Variants in SMC6 observed in about 807,000 individuals in gnomAD.
SMC6 encodes structural maintenance of chromosomes 6.
SMC6 carries 79 observed loss-of-function variants against 142.2 expected under a neutral mutation model. The ratio of observed to expected loss-of-function variants is 0.56; its 90% confidence interval spans 0.46 to 0.67. The LOEUF (loss-of-function observed/expected upper bound fraction) is 0.67, where lower values mean the gene tolerates loss of function less well. SMC6 is among the 30% of genes least tolerant of loss of function. The pLI is 0.00. For missense variants in SMC6, 1,072 were observed against 1,284.0 expected (o/e 0.83, Z 2.52); for synonymous variants, 411 against 412.4 (o/e 1.00, Z 0.04).
At chr2:17,744,522 A>G (rs13422445) in intron 3 of SMC6, among the ~76,000 whole-genome samples, 5,460 of 152,224 alleles carry the variant, frequency 0.036, 276 homozygotes, top group African/African-American at 0.11. Context: ...ATAATCTGCA[A>G]ACAGAGACAG....
intron 23 of SMC6, among the ~76,000 whole-genome samples, chr2:17,687,528 A>G (rs1667513683): frequency 1.3e-5 from 1 of 75,030 alleles, no homozygotes; most frequent in African/African-American, 5.1e-5. Flanking sequence ...TGTGAAAAAA[A>G]GTAGAGGAAC....
intron 23 of SMC6, among the ~76,000 whole-genome samples, chr2:17,685,940 T>C (rs989525868): frequency 2.6e-5 from 4 of 151,918 alleles, no homozygotes; most frequent in East Asian, 3.8e-4. Context: ...AAAAACACCA[T>C]AGAAAAATAA....
At chr2:17,691,558 C>T (rs531000393) in intron 23 of SMC6, among the ~76,000 whole-genome samples, 10 of 151,686 alleles carry the variant, frequency 6.6e-5, no homozygotes, top group South Asian at 2.1e-4. Flanking sequence ...ATTGATGGGA[C>T]GTATCTCAAA....
chr2:17,739,547 A>T (rs889503283), intron 4 of SMC6, among the ~76,000 whole-genome samples: 5 of 152,134 alleles, frequency 3.3e-5, no homozygotes, highest in African/African-American at 1.2e-4. Flanking sequence ...TGGGAGGCTA[A>T]GGTGGGAGGA....
chr2:17,709,018 T>C (rs887594018), intron 16 of SMC6, among the ~76,000 whole-genome samples: 4 of 152,072 alleles, frequency 2.6e-5, no homozygotes, highest in African/African-American at 9.7e-5. Context: ...TCAATCCTCA[T>C]AACAACCACA....
intron 3 of SMC6, among the ~76,000 whole-genome samples, chr2:17,742,095 A>G (rs1670500326): frequency 6.6e-6 from 1 of 152,186 alleles, no homozygotes; most frequent in Non-Finnish European, 1.5e-5. Context: ...CTAAGTTGTG[A>G]CAACCAAAAA....
At chr2:17,677,868 A>T (rs923494778) in intron 25 of SMC6, among the ~76,000 whole-genome samples, 1 of 152,214 alleles carries the variant, frequency 6.6e-6, no homozygotes, top group Admixed American at 6.6e-5. Flanking sequence ...TAAACAAAAA[A>T]GATGTTCCAA....
At chr2:17,681,754 A>C (rs1667248397) in intron 24 of SMC6, 1 of 152,190 alleles carries the variant, frequency 6.6e-6, no homozygotes, top group African/African-American at 2.4e-5. Context: ...CTGATGACAG[A>C]TCACTACAAC....
chr2:17,680,076 G>GTA (rs1258836051), intron 24 of SMC6: 3 of 152,126 alleles, frequency 2.0e-5, no homozygotes, highest in Non-Finnish European at 4.4e-5. Context: ...ATACAGATAT[G>GTA]TATTCATTCA....
chr2:17,751,005 C>CA (rs34661130), intron 2 of SMC6, among the ~76,000 whole-genome samples: 21,075 of 53,754 alleles, frequency 0.39, 5,752 homozygotes, highest in Middle Eastern at 0.52. Context: ...ACAGCTGTCT[C>CA]AAAAAAAAAA....
rs183536728 is a variant in SMC6 at position 17,726,747 on chromosome 2, G to C, written c.544-278C>G. 1.8e-4 allele frequency among the ~76,000 whole-genome samples: 28 copies of C among 152,256 alleles called. No homozygotes were observed. The East Asian group carries it at 4.3e-3, about 23-fold the overall frequency. On this transcript the variant is annotated intron_variant, in intron 7 of 27. Coordinates refer to ENST00000448223, the MANE Select transcript of SMC6 (RefSeq NM_001142286.2). The stretch of plus-strand genomic sequence containing the variant: ...ACAAGCATAAGAACCCTGTGAAAAA[G>C]TGTTTTTATTATAAAGTTTTTCACT...
Position 17,700,195 on chromosome 2 carries a change from C to T in SMC6, c.2394+13G>A. 11 of 1,558,814 alleles carry T rather than the reference C, an allele frequency of 7.1e-6. No individual in the cohort carries two copies. Among genetic ancestry groups the T allele is most frequent in the Non-Finnish European group, 7.8e-6 (9 of 1,150,404 alleles). The stretch of plus-strand genomic sequence containing the variant: ...ATAAAATACATACGTAACACAGTAC[C>T]AAAAATATATACCTTAAGTGGGTCT... On this transcript the variant is annotated intron_variant, in intron 21 of 27. Coordinates refer to ENST00000448223, the MANE Select transcript of SMC6 (RefSeq NM_001142286.2).
At chr2:17,712,842 A>G (rs181701815) in intron 16 of SMC6, among the ~76,000 whole-genome samples, 4 of 152,374 alleles carry the variant, frequency 2.6e-5, no homozygotes, top group African/African-American at 9.6e-5. Flanking sequence ...GACATACTCA[A>G]GACTCTTGTC....
chr2:17,740,402 A>G (rs543401335), intron 4 of SMC6, among the ~76,000 whole-genome samples: 1 of 152,282 alleles, frequency 6.6e-6, no homozygotes, highest in Admixed American at 6.5e-5. Context: ...CTCCCTGTGT[A>G]CCTTCTCAGC....
intron 2 of SMC6, among the ~76,000 whole-genome samples, chr2:17,752,130 AG>A (rs957207869): frequency 3.3e-5 from 5 of 152,212 alleles, no homozygotes; most frequent in African/African-American, 1.2e-4. Flanking sequence ...CCTGTCAGCT[AG>A]GTACAGTCAA....
At chr2:17,710,716 T>C (rs760098556) in intron 16 of SMC6, among the ~76,000 whole-genome samples, 1 of 152,186 alleles carries the variant, frequency 6.6e-6, no homozygotes, top group Admixed American at 6.5e-5. Context: ...GAGTAATGAC[T>C]TTGAGTCAAT....
chr2:17,684,649 T>C (rs2555073), intron 23 of SMC6, among the ~76,000 whole-genome samples: 77,900 of 151,926 alleles, frequency 0.51, 22,642 homozygotes, highest in African/African-American at 0.78. Context: ...TATAGCAAGA[T>C]TCTGTTTCTA....
chr2:17,747,841 TA>T (rs1401920515), intron 2 of SMC6, among the ~76,000 whole-genome samples: 1 of 152,130 alleles, frequency 6.6e-6, no homozygotes, highest in Non-Finnish European at 1.5e-5. Context: ...ACACACAGTA[TA>T]TATTCCATCA....
chr2:17,701,917 A>G lies in SMC6; in HGVS notation c.2143-8T>C, dbSNP rs1204323702. On this transcript the variant is annotated splice_polypyrimidine_tract_variant and splice_region_variant and intron_variant, in intron 19 of 27. Transcript: ENST00000448223. ...ATTTTTTCTTATTTTCATCTAAAAG[A>G]AAAGTATTTGGATTTTAGTAACATA... 1 of 1,464,128 alleles carries G rather than the reference A, an allele frequency of 6.8e-7. No homozygotes were observed. The allele number at this position is 1,464,128 out of a possible 1,614,324, so 90.7% of individuals were successfully genotyped here.
Sources: gnomAD v4.1 joint callset for allele counts (sites outside exome capture counted in the v4.1 genomes callset) on GRCh38, gnomAD v4.1.1 for gene constraint, MANE v1.5 for transcripts, NCBI Gene and HGNC (gene_info 2026-07-23, HGNC 2026-07-21) for gene names.